RNF128: variants seen among roughly 807,000 people sequenced by gnomAD.
RNF128 encodes E3 ubiquitin-protein ligase RNF128.
In RNF128, 13 loss-of-function variants were observed where a neutral mutation model predicts 26.2. The observed-to-expected ratio is 0.50, with a 90% CI of 0.32 to 0.79. RNF128 has a LOEUF of 0.79. Among genes scored for constraint, RNF128 ranks in the 30% least tolerant of loss-of-function variants. The pLI is 0.03. For missense variants in RNF128, 315 were observed against 349.7 expected (o/e 0.90, Z 0.79); for synonymous variants, 149 against 142.5 (o/e 1.05, Z -0.32).
At chrX:106,787,815 A>G in intron 3 of RNF128, 103 bp from the exon 4 acceptor site, 3 of 492,593 alleles carry the variant, frequency 6.1e-6, no homozygotes, top group South Asian at 7.0e-5. Context: ...TCCTCCTTTT[A>G]TAGGAATTTA....
intron 1 of RNF128, 129 bp downstream of exon 1, chrX:106,727,526 G>C: frequency 6.9e-6 from 6 of 868,527 alleles, no homozygotes; most frequent in Non-Finnish European, 9.6e-6. Flanking sequence ...TGTCCCCACG[G>C]AGTGGGGCAG....
At chrX:106,711,396 A>G (rs1007878767) in intron 1 of RNF128, among the ~76,000 whole-genome samples, 7 of 112,503 alleles carry the variant, frequency 6.2e-5, no homozygotes, top group Non-Finnish European at 1.1e-4. Context: ...GCACATAACA[A>G]AGTTTTCATT....
chrX:106,772,912 G>C lies in RNF128; in HGVS notation c.485-1G>C. ...AAAACTGAATTTGTTTTATTTTACA[G>C]GTGCAGTAGACATTGTTGCAATCAT... On this transcript the variant is annotated splice_acceptor_variant, in intron 1 of 6. Coordinates refer to ENST00000255499, the MANE Select transcript of RNF128 (RefSeq NM_194463.2). LOFTEE classifies it high-confidence loss of function. 2 of 1,196,915 alleles carry C rather than the reference G, an allele frequency of 1.7e-6. No homozygotes were observed. Among genetic ancestry groups the C allele is most frequent in the Non-Finnish European group, 2.2e-6 (2 of 888,892 alleles).
At chrX:106,779,551 C>T (rs1452091019) in intron 2 of RNF128, among the ~76,000 whole-genome samples, 1 of 110,514 alleles carries the variant, frequency 9.0e-6, no homozygotes, top group Non-Finnish European at 1.9e-5. Flanking sequence ...GTTAGTCAAA[C>T]GATACAAACT....
chrX:106,694,246 A>G (rs750692897), exon 1 of RNF128: 2 of 1,209,056 alleles, frequency 1.7e-6, no homozygotes, highest in African/African-American at 1.8e-5. Flanking sequence ...TGACCACAAC[A>G]CTGAGTTTAG....
intron 1 of RNF128, among the ~76,000 whole-genome samples, chrX:106,739,776 A>T (rs1929667023): frequency 9.0e-6 from 1 of 111,256 alleles, no homozygotes; most frequent in Non-Finnish European, 1.9e-5. Context: ...ACAGGAGGAA[A>T]TTTAATATAC....
intron 1 of RNF128, among the ~76,000 whole-genome samples, chrX:106,762,556 G>GC (rs1053698183): frequency 2.0e-4 from 22 of 110,571 alleles, no homozygotes; most frequent in East Asian, 5.7e-4. Context: ...CAGGTGATCC[G>GC]CCCCCCATCG....
intron 1 of RNF128, among the ~76,000 whole-genome samples, chrX:106,701,349 C>A (rs988712652): frequency 5.4e-5 from 6 of 111,298 alleles, no homozygotes; most frequent in African/African-American, 2.0e-4. Context: ...GGGAGATAGT[C>A]TTTATCAAGG....
chrX:106,772,739 G>T (rs527600760), intron 1 of RNF128, among the ~76,000 whole-genome samples, 174 bp from the exon 2 acceptor site: 1 of 111,026 alleles, frequency 9.0e-6, no homozygotes, highest in African/African-American at 3.3e-5. Flanking sequence ...AATCTCATGC[G>T]TGTTTATATA....
intron 1 of RNF128, among the ~76,000 whole-genome samples, chrX:106,728,703 T>C (rs1213936050): frequency 8.9e-6 from 1 of 111,901 alleles, no homozygotes; most frequent in East Asian, 2.8e-4. Flanking sequence ...ATTTGAGTTC[T>C]TTTAGCCCCT....
chrX:106,704,923 T>G (rs1187664231), intron 1 of RNF128, among the ~76,000 whole-genome samples: 1 of 111,958 alleles, frequency 8.9e-6, no homozygotes, highest in Non-Finnish European at 1.9e-5. Context: ...GCATTGTATA[T>G]GAAATGTAAG....
intron 1 of RNF128, among the ~76,000 whole-genome samples, chrX:106,694,730 CA>C (rs1304568937): frequency 9.0e-6 from 1 of 111,186 alleles, no homozygotes; most frequent in East Asian, 2.8e-4. Flanking sequence ...AATTTAATTT[CA>C]TTATTAATTT....
rs138188842 is a variant in RNF128, at chrX:106,773,087, C to T, written c.659C>T (p.Ala220Val). The change falls in exon 2 of 7, where the codon GCG becomes GTG. Residue 220 changes from alanine to valine, a missense_variant. Transcript: ENST00000255499. ...TCTGTGTCCTTTTTTATTATTACGG[C>T]GGCAACTGTGGGCTATTTTATCTTT... ...FVSVSFFIIT[A>V]ATVGYFIFYS... 6.2e-5 allele frequency: 75 copies of T among 1,207,570 alleles called. No individual in the cohort carries two copies. The African/African-American group carries it at 9.0e-4, about 14-fold the overall frequency.
chrX:106,774,134 C>G (rs914770813), intron 2 of RNF128, among the ~76,000 whole-genome samples: 2 of 111,460 alleles, frequency 1.8e-5, no homozygotes, highest in African/African-American at 6.5e-5. Context: ...ACTATGTTTT[C>G]TTGGCCATTT....
intron 1 of RNF128, among the ~76,000 whole-genome samples, chrX:106,755,907 G>T (rs944135080): frequency 9.0e-6 from 1 of 110,851 alleles, no homozygotes; most frequent in Non-Finnish European, 1.9e-5. Flanking sequence ...CAAAATCAAT[G>T]TGCAAAAATC....
chrX:106,751,664 C>T (rs1157301304), intron 1 of RNF128, among the ~76,000 whole-genome samples: 1 of 110,382 alleles, frequency 9.1e-6, no homozygotes, highest in Non-Finnish European at 1.9e-5. Context: ...TTTGTCTTAA[C>T]ATTTGGATAC....
intron 1 of RNF128, among the ~76,000 whole-genome samples, chrX:106,707,347 C>T (rs1177776956): frequency 2.7e-5 from 3 of 110,830 alleles, no homozygotes; most frequent in African/African-American, 9.8e-5. Flanking sequence ...CCAAAATGTG[C>T]CTTCCTCTAA....
At chrX:106,738,041 A>G (rs1281792810) in intron 1 of RNF128, among the ~76,000 whole-genome samples, 4 of 111,933 alleles carry the variant, frequency 3.6e-5, no homozygotes, top group Non-Finnish European at 7.5e-5. Flanking sequence ...TCATCATTTG[A>G]TGGTAAGGAA....
intron 1 of RNF128, among the ~76,000 whole-genome samples, chrX:106,729,148 T>G (rs1316134349): frequency 9.0e-6 from 1 of 111,691 alleles, no homozygotes; most frequent in East Asian, 2.8e-4. Context: ...TATCTGATAG[T>G]TTTAGGAGAC....
Sources: gnomAD v4.1 joint callset for allele counts (sites outside exome capture counted in the v4.1 genomes callset) on GRCh38, gnomAD v4.1.1 for gene constraint, MANE v1.5 for transcripts, NCBI Gene and HGNC (gene_info 2026-07-23, HGNC 2026-07-21) for gene names.